PEX13: variants seen among roughly 807,000 people sequenced by gnomAD.
PEX13 encodes peroxisome biogenesis factor 13.
In PEX13, 28 loss-of-function variants were observed where a neutral mutation model predicts 34.5. The observed-to-expected ratio is 0.81, with a 90% CI of 0.60 to 1.11. The LOEUF (loss-of-function observed/expected upper bound fraction) is 1.11, where lower values mean the gene tolerates loss of function less well. PEX13 is among the 50% of genes most tolerant of loss of function. PEX13 has a pLI of 0.00. For synonymous variants in PEX13, 177 were observed against 175.1 expected (o/e 1.01, Z -0.09); for missense variants, 550 against 491.0 (o/e 1.12, Z -1.13).
chr2:61,018,248 A>G lies in PEX13; in HGVS notation c.92+397A>G, dbSNP rs141828818. ...CCAGCCACGGCATCGACAGGGAGCA[A>G]AGTCTCTCCTTAAAGGTGTTAACCT... On this transcript the variant is annotated intron_variant, in intron 1 of 3. Transcript: ENST00000295030. The G allele has an allele frequency of 4.0e-4, 618 of 1,551,128 alleles. 2 individuals are homozygous for G. The African/African-American group carries it at 7.7e-3, about 19-fold the overall frequency.
At chr2:61,030,443 C>T (rs1042816408) in intron 1 of PEX13, among the ~76,000 whole-genome samples, 5 of 152,062 alleles carry the variant, frequency 3.3e-5, no homozygotes, top group African/African-American at 1.2e-4. Context: ...CTGTTTAGTG[C>T]CAGGTTTTTT....
chr2:61,027,402 C>T (rs1253074836), intron 1 of PEX13, among the ~76,000 whole-genome samples: 2 of 151,828 alleles, frequency 1.3e-5, no homozygotes, highest in Non-Finnish European at 2.9e-5. Flanking sequence ...AAGGATATCA[C>T]ACATCAAGTC....
rs1680797159 is a variant in PEX13, at chr2:61,051,416, G to A, written c.*2646G>A. ...GTACAGCACAAAGTGATAAAATAGTGACACTTTTGTAGGGGTGTTTATTGT... is the reference window on the plus strand; with the variant it reads ...GTACAGCACAAAGTGATAAAATAGTAACACTTTTGTAGGGGTGTTTATTGT... On this transcript the variant is annotated 3_prime_UTR_variant, in exon 4 of 4. Transcript: ENST00000295030. The A allele has an allele frequency of 6.6e-6, 1 of 152,302 alleles. No individual in the cohort carries two copies. Among genetic ancestry groups the A allele is most frequent in the South Asian group, 2.1e-4 (1 of 4,830 alleles). 9.4% of individuals were successfully genotyped at this position (152,302 alleles called of 1,614,324 possible).
Position 61,031,784 on chromosome 2 carries a change from CT to C in PEX13, c.459del (p.Val154SerfsTer11). 1 of 1,613,168 alleles carries C rather than the reference CT, an allele frequency of 6.2e-7. No individual in the cohort carries two copies. The highest frequency in any genetic ancestry group is 8.5e-7 in the Non-Finnish European group (1 of 1,179,080). On this transcript the variant is annotated frameshift_variant, in exon 2 of 4. Transcript: ENST00000295030. LOFTEE classifies it high-confidence loss of function. ...ATGATGATGGATGCTACCTTTTCAG[CT>C]GTCTATAACAGTTTCAGGGCTGTAT... is the stretch of plus-strand genomic sequence containing the variant. ...VSMMMDATFSAVYNSFRAVLD... is the reference protein window; with the variant it reads ...VSMMMDATFSXVYNSFRAVLD...
chr2:61,037,478 A>G (rs143304947), intron 2 of PEX13, among the ~76,000 whole-genome samples: 6,190 of 152,322 alleles, frequency 0.041, 175 homozygotes, highest in Non-Finnish European at 0.064. Context: ...TCAAAACCAC[A>G]CAACTACATA....
chr2:61,026,977 T>G (rs1680367730), intron 1 of PEX13, among the ~76,000 whole-genome samples: 1 of 151,980 alleles, frequency 6.6e-6, no homozygotes, highest in Non-Finnish European at 1.5e-5. Flanking sequence ...AGGTGTCCTG[T>G]TGCCTCTCCC....
chr2:61,048,849 C>A lies in PEX13; in HGVS notation c.*79C>A. On this transcript the variant is annotated 3_prime_UTR_variant, in exon 4 of 4. Coordinates refer to ENST00000295030, the MANE Select transcript of PEX13 (RefSeq NM_002618.4). ...TATTTCTCACAAAGAAATGAATGTA[C>A]AATCCAATGAAAACATTTGTTATTG... 8.5e-7 allele frequency: 1 copy of A among 1,182,362 alleles called. No individual in the cohort carries two copies. The highest frequency in any genetic ancestry group is 1.3e-5 in the South Asian group (1 of 77,464). 73.2% of individuals were successfully genotyped at this position (1,182,362 alleles called of 1,614,324 possible).
intron 1 of PEX13, among the ~76,000 whole-genome samples, chr2:61,026,322 C>T (rs1412444454): frequency 6.6e-6 from 1 of 150,888 alleles, no homozygotes; most frequent in Non-Finnish European, 1.5e-5. Flanking sequence ...GTTCCAGTGG[C>T]TGTGGCCACC....
At position 61,029,813 on chromosome 2, in the gene PEX13, TAAA is replaced by T. The variant is rs546036099; in HGVS notation, c.93-1597_93-1595del. Among the ~76,000 whole-genome samples the T allele has an allele frequency of 2.1e-5, 3 of 143,352 alleles. No individual in the cohort carries two copies. In the East Asian group the frequency reaches 6.0e-4, roughly 29 times the overall value. 94.0% of individuals were successfully genotyped at this position (143,352 alleles called of 152,430 possible). A position where few individuals can be genotyped will look rare whatever the true frequency, so the allele number is the denominator to read the frequency against. On this transcript the variant is annotated intron_variant, in intron 1 of 3. Transcript: ENST00000295030. ...GACAATAGAGTGAGACCCTGTCTCT[TAAA>T]AAAAAAAAGTATTCAGAAAAAAAAA...
rs1680456983 is a variant in PEX13, at chr2:61,031,873, G to C, written c.547G>C (p.Ala183Pro). Residue 183 changes from alanine (A) to proline (P), a missense_variant, in exon 2 of 4, where the codon GCA becomes CCA. Transcript: ENST00000295030. ...CTTTACAAAAGTGTTTTCAGCTTTT[G>C]CATTGGTTAGGACTATACGGTATCT... is the stretch of plus-strand genomic sequence containing the variant. ...IHFTKVFSAF[A>P]LVRTIRYLYR... 1 of 1,613,150 alleles carries C rather than the reference G, an allele frequency of 6.2e-7. No individual in the cohort carries two copies. The highest frequency in any genetic ancestry group is 1.3e-5 in the African/African-American group (1 of 74,884).
In PEX13 at chr2:61,032,974, G is replaced by C. The variant is rs1395968553; in HGVS notation, c.787+861G>C. Among the ~76,000 whole-genome samples the C allele has an allele frequency of 2.0e-5, 3 of 152,128 alleles. No homozygotes were observed. The East Asian group carries it at 5.8e-4, about 29-fold the overall frequency. ...ATTAGGTTGAAAGCTAATAGTAGAAGCTCTTAATTGGCATTATGAGACTTA... is the reference window on the plus strand; with the variant it reads ...ATTAGGTTGAAAGCTAATAGTAGAACCTCTTAATTGGCATTATGAGACTTA... On this transcript the variant is annotated intron_variant, in intron 2 of 3. Transcript: ENST00000295030.
At chr2:61,039,740 A>G (rs1183153823) in intron 2 of PEX13, among the ~76,000 whole-genome samples, 1 of 152,210 alleles carries the variant, frequency 6.6e-6, no homozygotes, top group East Asian at 1.9e-4. Flanking sequence ...GAATAGACAG[A>G]TGGGATCTAA....
At chr2:61,042,914 C>G (rs1022732700) in intron 2 of PEX13, among the ~76,000 whole-genome samples, 2 of 152,324 alleles carry the variant, frequency 1.3e-5, no homozygotes, top group African/African-American at 2.4e-5. Context: ...CTTGGCTCAT[C>G]ATGACCCAAT....
In PEX13 at chr2:61,031,801, A is replaced by G. The variant is rs2104803471; in HGVS notation, c.475A>G (p.Arg159Gly). 6.2e-7 allele frequency: 1 copy of G among 1,613,554 alleles called. No individual in the cohort carries two copies. The highest frequency in any genetic ancestry group is 1.1e-5 in the South Asian group (1 of 91,076). Residue 159 changes from arginine (R) to glycine (G), a missense_variant, in exon 2 of 4, where the codon AGG becomes GGG. Physicochemically the swap from Arg to Gly is moderately radical, Grantham distance 125. Coordinates refer to ENST00000295030, the MANE Select transcript of PEX13 (RefSeq NM_002618.4). ...CTTTTCAGCTGTCTATAACAGTTTC[A>G]GGGCTGTATTGGATGTAGCAAATCA... is the stretch of plus-strand genomic sequence containing the variant. ...ATFSAVYNSF[R>G]AVLDVANHFS...
At chr2:61,031,032 G>C (rs562717094) in intron 1 of PEX13, among the ~76,000 whole-genome samples, 1 of 152,292 alleles carries the variant, frequency 6.6e-6, no homozygotes, top group Non-Finnish European at 1.5e-5. Context: ...GCTCACACCT[G>C]TAATCCCAGC....
chr2:61,025,215 C>T (rs971172817), intron 1 of PEX13, among the ~76,000 whole-genome samples: 1 of 150,902 alleles, frequency 6.6e-6, no homozygotes, highest in African/African-American at 2.4e-5. Flanking sequence ...ATTACAGGCA[C>T]CTGCCACTGC....
chr2:61,036,616 C>T (rs1680539992), intron 2 of PEX13, among the ~76,000 whole-genome samples: 1 of 152,172 alleles, frequency 6.6e-6, no homozygotes, highest in Non-Finnish European at 1.5e-5. Context: ...ACAAAAGCTT[C>T]TGAAGGAAGC....
chr2:61,027,895 C>T (rs1292388218), intron 1 of PEX13, among the ~76,000 whole-genome samples: 1 of 151,794 alleles, frequency 6.6e-6, no homozygotes, highest in Non-Finnish European at 1.5e-5. Flanking sequence ...AATATCAGAT[C>T]CAATAAAAGA....
rs2104816632 is a variant in PEX13 at position 61,051,576 on chromosome 2, A to G, written c.*2806A>G. ...AAATTTTGTAACCTTTTTTATCATGACAGTTTTAGAATAATTTTTTTAGCT... is the reference window on the plus strand; with the variant it reads ...AAATTTTGTAACCTTTTTTATCATGGCAGTTTTAGAATAATTTTTTTAGCT... On this transcript the variant is annotated 3_prime_UTR_variant, in exon 4 of 4. Coordinates refer to ENST00000295030, the MANE Select transcript of PEX13 (RefSeq NM_002618.4). 6.6e-6 allele frequency: 1 copy of G among 152,454 alleles called. No homozygotes were observed. Among genetic ancestry groups the G allele is most frequent in the East Asian group, 1.9e-4 (1 of 5,326 alleles). The allele number at this position is 152,454 out of a possible 1,614,324, so 9.4% of individuals were successfully genotyped here. A position where few individuals can be genotyped will look rare whatever the true frequency, so the allele number is the denominator to read the frequency against.
Sources: allele counts gnomAD v4.1 joint callset (sites outside exome capture counted in the v4.1 genomes callset), GRCh38; gene constraint gnomAD v4.1.1; transcripts MANE v1.5; gene names NCBI Gene and HGNC (gene_info 2026-07-23, HGNC 2026-07-21).